KIR3DL2: variants seen among roughly 807,000 people sequenced by gnomAD.
KIR3DL2 encodes killer cell immunoglobulin like receptor, three Ig domains and long cytoplasmic tail 2.
In KIR3DL2, 42 loss-of-function variants were observed where a neutral mutation model predicts 41.6. The ratio of observed to expected loss-of-function variants is 1.01; its 90% CI spans 0.79 to 1.31. KIR3DL2 has a LOEUF of 1.31. KIR3DL2 is among the 50% of genes most tolerant of loss of function. The pLI is 0.00. For synonymous variants in KIR3DL2, 230 were observed against 221.3 expected, an observed-to-expected ratio of 1.04 and a Z score of -0.35; for missense variants, 728 against 576.8, an observed-to-expected ratio of 1.26 and a Z score of -2.68.
intron 7 of KIR3DL2, 27 bp from the exon 8 acceptor site, chr19:54,866,343 G>C (rs370494406): frequency 1.2e-6 from 2 of 1,613,202 alleles, no homozygotes; most frequent in African/African-American, 2.7e-5. Context: ...CCCTCCAAGC[G>C]GTTTTGATGA....
chr19:54,852,409 A>G (rs1464934370), intron 3 of KIR3DL2, 127 bp downstream of exon 3: 2 of 1,282,860 alleles, frequency 1.6e-6, no homozygotes, highest in Non-Finnish European at 2.1e-6. Flanking sequence ...GAGATTGAAT[A>G]CAGGGGAAAT....
At position 54,852,051 on chromosome 19, in the gene KIR3DL2, G is replaced by A. The variant is rs746898165; in HGVS notation, c.124G>A (p.Gly42Arg). 2.2e-5 allele frequency: 35 copies of A among 1,612,178 alleles called. No homozygotes were observed. The highest frequency in any genetic ancestry group is 2.9e-5 in the Non-Finnish European group (34 of 1,179,202). The change falls in exon 3 of 9, where the codon GGA (glycine) becomes AGA (arginine). Residue 42 changes from glycine (G) to arginine (R), a missense_variant. Gly to Arg is a moderately radical substitution (Grantham distance 125). Coordinates refer to ENST00000326321, the MANE Select transcript of KIR3DL2 (RefSeq NM_006737.4). ...CCGGCCCAGCACTGTGGTGCCTCGA[G>A]GAGGACACGTGGCTCTTCAGTGTCA... ...SARPSTVVPR[G>R]GHVALQCHYR...
Position 54,866,923 on chromosome 19 carries a change from C to A in KIR3DL2, c.*192C>A. The stretch of plus-strand genomic sequence containing the variant: ...AGAGAAAACACACTCCTTTGCTTAG[C>A]CCACAAGTATCTATTTCACTTGACC... On this transcript the variant is annotated 3_prime_UTR_variant, in exon 9 of 9. Coordinates refer to ENST00000326321, the MANE Select transcript of KIR3DL2 (RefSeq NM_006737.4). The A allele has an allele frequency of 3.0e-6, 2 of 670,002 alleles. No homozygotes were observed. The highest frequency in any genetic ancestry group is 5.0e-6 in the Non-Finnish European group (2 of 398,554). 41.5% of individuals were successfully genotyped at this position (670,002 alleles called of 1,614,324 possible).
At chr19:54,853,655 G>C in intron 3 of KIR3DL2, 92 bp from the exon 4 acceptor site, 3 of 1,440,486 alleles carry the variant, frequency 2.1e-6, no homozygotes, top group Non-Finnish European at 2.9e-6. Flanking sequence ...GAGAGAGACA[G>C]ACCTCTGGGA....
At position 54,866,932 on chromosome 19, in the gene KIR3DL2, A is replaced by C. The variant is rs184084757; in HGVS notation, c.*201A>C. On this transcript the variant is annotated 3_prime_UTR_variant, in exon 9 of 9. Coordinates refer to ENST00000326321, the MANE Select transcript of KIR3DL2 (RefSeq NM_006737.4). ...ACACTCCTTTGCTTAGCCCACAAGT[A>C]TCTATTTCACTTGACCCCTGCCCAC... 6,077 of 625,450 alleles carry C rather than the reference A, an allele frequency of 9.7e-3. 62 individuals are homozygous for C. Among genetic ancestry groups the C allele is most frequent in the East Asian group, 0.034 (1,072 of 31,236 alleles). 38.7% of individuals were successfully genotyped at this position (625,450 alleles called of 1,614,324 possible). A position where few individuals can be genotyped will look rare whatever the true frequency, so the allele number is the denominator to read the frequency against.
At chr19:54,853,101 G>A (rs1267625111) in intron 3 of KIR3DL2, among the ~76,000 whole-genome samples, 1 of 151,342 alleles carries the variant, frequency 6.6e-6, no homozygotes, top group East Asian at 1.9e-4. Flanking sequence ...AAAAGTGACT[G>A]TCTCAAAAAT....
chr19:54,853,348 C>T (rs2064452315), intron 3 of KIR3DL2, among the ~76,000 whole-genome samples: 1 of 151,670 alleles, frequency 6.6e-6, no homozygotes, highest in Non-Finnish European at 1.5e-5. Flanking sequence ...ACACTGATGT[C>T]TGCCTTACTG....
At chr19:54,860,071 G>A (rs1348706866) in intron 6 of KIR3DL2, among the ~76,000 whole-genome samples, 1 of 151,986 alleles carries the variant, frequency 6.6e-6, no homozygotes, top group Non-Finnish European at 1.5e-5. Context: ...AATCATCCAG[G>A]ATACCCTCCT....
chr19:54,854,979 G>C (rs1286156965), intron 4 of KIR3DL2, among the ~76,000 whole-genome samples: 1 of 151,392 alleles, frequency 6.6e-6, no homozygotes. Flanking sequence ...TGATAAATAG[G>C]TAGATGATAG....
chr19:54,856,719 TA>T (rs1485460147), intron 5 of KIR3DL2, among the ~76,000 whole-genome samples: 1 of 151,720 alleles, frequency 6.6e-6, no homozygotes, highest in Non-Finnish European at 1.5e-5. Flanking sequence ...TTTTTTTTGT[TA>T]CCTTCCACCC....
In KIR3DL2 at chr19:54,852,200, G is replaced by C. The variant is rs774592291; in HGVS notation, c.273G>C (p.Gly91=). 3.7e-6 allele frequency: 6 copies of C among 1,612,464 alleles called. No homozygotes were observed. Among genetic ancestry groups the C allele is most frequent in the East Asian group, 4.5e-5 (2 of 44,838 alleles). The part of the protein sequence containing the change: ...IMGPVTPAHA[G]TYRCRGSRPH... The stretch of plus-strand genomic sequence containing the variant: ...GCCCTGTGACCCCAGCACATGCAGG[G>C]ACCTACAGATGTCGGGGTTCACGCC... The change falls in exon 3 of 9, where the codon GGG becomes GGC. Residue 91 remains glycine, a synonymous_variant. Transcript: ENST00000326321.
At chr19:54,854,198 A>G (rs2064547950) in intron 4 of KIR3DL2, 152 bp downstream of exon 4, 1 of 992,842 alleles carries the variant, frequency 1.0e-6, no homozygotes. Context: ...AGAGACAGGG[A>G]AACAGGAGAC....
At position 54,855,713 on chromosome 19, in the gene KIR3DL2, T is replaced by C. The variant is rs2145617084; in HGVS notation, c.750T>C (p.Tyr250=). Residue 250 remains tyrosine (Y), a synonymous_variant, in exon 5 of 9, where the codon TAT becomes TAC. Coordinates refer to ENST00000326321, the MANE Select transcript of KIR3DL2 (RefSeq NM_006737.4). The part of the protein sequence containing the change: ...VTLSCSSWSS[Y]DIYHLSREGE... ...TGTCCTGTAGCTCCTGGAGCTCCTA[T>C]GACATCTACCATCTGTCCAGGGAAG... 1 of 1,613,566 alleles carries C rather than the reference T, an allele frequency of 6.2e-7. No individual in the cohort carries two copies. Among genetic ancestry groups the C allele is most frequent in the Middle Eastern group, 1.6e-4 (1 of 6,062 alleles).
In KIR3DL2 at chr19:54,866,939, T is replaced by A. The variant is rs1369551470; in HGVS notation, c.*208T>A. 1.6e-6 allele frequency: 1 copy of A among 633,532 alleles called. No homozygotes were observed. The highest frequency in any genetic ancestry group is 1.8e-5 in the African/African-American group (1 of 54,084). 39.2% of individuals were successfully genotyped at this position (633,532 alleles called of 1,614,324 possible). On this transcript the variant is annotated 3_prime_UTR_variant, in exon 9 of 9. Coordinates refer to ENST00000326321, the MANE Select transcript of KIR3DL2 (RefSeq NM_006737.4). Reference sequence around the variant, plus strand: ...TTTGCTTAGCCCACAAGTATCTATTTCACTTGACCCCTGCCCACCTCTCCA... The same window carrying A: ...TTTGCTTAGCCCACAAGTATCTATTACACTTGACCCCTGCCCACCTCTCCA...
At chr19:54,856,047 T>A in intron 5 of KIR3DL2, 135 bp downstream of exon 5, 1 of 1,164,080 alleles carries the variant, frequency 8.6e-7, no homozygotes. Flanking sequence ...GGGGTCAGGG[T>A]GCAGGATGGC....
chr19:54,859,883 C>A (rs1158283760), intron 6 of KIR3DL2, among the ~76,000 whole-genome samples: 1 of 151,932 alleles, frequency 6.6e-6, no homozygotes, highest in African/African-American at 2.4e-5. Context: ...GCTCCTGGTA[C>A]CCTTCCTCCT....
chr19:54,860,605 C>T (rs1255131441), intron 6 of KIR3DL2, among the ~76,000 whole-genome samples: 1 of 151,974 alleles, frequency 6.6e-6, no homozygotes, highest in East Asian at 1.9e-4. Context: ...AAATTCCCAA[C>T]CTCAGGTGAT....
rs1259720697 is a variant in KIR3DL2, at chr19:54,858,955, C to G, written c.950-124C>G. ...ACACAAAAATTATGGAGAAAAGGAT[C>G]CCAAGACTCCCAGGGTCCAACATTA... On this transcript the variant is annotated intron_variant, in intron 5 of 8. Coordinates refer to ENST00000326321, the MANE Select transcript of KIR3DL2 (RefSeq NM_006737.4). The G allele has an allele frequency of 2.0e-4, 212 of 1,043,760 alleles. No individual in the cohort carries two copies. The African/African-American group carries it at 2.7e-3, about 13-fold the overall frequency. The allele number at this position is 1,043,760 out of a possible 1,614,324, so 64.7% of individuals were successfully genotyped here. A position where few individuals can be genotyped will look rare whatever the true frequency, so the allele number is the denominator to read the frequency against.
In KIR3DL2 at chr19:54,855,804, C is replaced by A; in HGVS notation, c.841C>A (p.Pro281Thr). ...KVNRTFQADF[P>T]LGPATHGGTY... The stretch of plus-strand genomic sequence containing the variant: ...CAACAGAACATTCCAGGCAGACTTT[C>A]CTCTGGGCCCTGCCACCCACGGAGG... Residue 281 changes from proline (P) to threonine (T), a missense_variant, in exon 5 of 9, where the codon CCT (proline) becomes ACT (threonine). By Grantham distance (38) the Pro-to-Thr change is conservative (BLOSUM62 -1). Transcript: ENST00000326321. The A allele has an allele frequency of 6.2e-7, 1 of 1,613,478 alleles. No individual in the cohort carries two copies. Among genetic ancestry groups the A allele is most frequent in the East Asian group, 2.2e-5 (1 of 44,860 alleles).
Sources: gnomAD v4.1 joint callset for allele counts (sites outside exome capture counted in the v4.1 genomes callset) on GRCh38, gnomAD v4.1.1 for gene constraint, MANE v1.5 for transcripts, NCBI Gene and HGNC (gene_info 2026-07-23, HGNC 2026-07-21) for gene names.